The following ARID1B variants were observed in gnomAD, a reference collection of about 807,000 sequenced individuals.
ARID1B encodes the protein AT-rich interaction domain 1B.
In ARID1B, 30 loss-of-function variants were observed where a neutral mutation model predicts 212.3. The observed-to-expected ratio is 0.14, with a 90% confidence interval of 0.11 to 0.19. The LOEUF (loss-of-function observed/expected upper bound fraction) is 0.19. Among genes scored for constraint, ARID1B ranks in the 10% least tolerant of loss-of-function variants. ARID1B has a pLI of 1.00. For missense variants in ARID1B, 2,891 were observed against 3,204.0 expected (o/e 0.90, Z 2.36); for synonymous variants, 1,402 against 1,301.7 (o/e 1.08, Z -1.66).
At chr6:156,984,522 C>G (rs1777805624) in intron 4 of ARID1B, among the ~76,000 whole-genome samples, 1 of 152,082 alleles carries the variant, frequency 6.6e-6, no homozygotes, top group Non-Finnish European at 1.5e-5. Flanking sequence ...ATGACAGTGA[C>G]TTGGTGTTAC....
chr6:157,041,107 T>G (rs893945539), intron 4 of ARID1B, among the ~76,000 whole-genome samples: 4 of 152,200 alleles, frequency 2.6e-5, no homozygotes, highest in African/African-American at 9.6e-5. Flanking sequence ...CCACTATTCT[T>G]ATTTTCAGCT....
At chr6:156,864,168 C>A (rs549016846) in intron 2 of ARID1B, among the ~76,000 whole-genome samples, 1 of 152,266 alleles carries the variant, frequency 6.6e-6, no homozygotes, top group South Asian at 2.1e-4. Context: ...TCCCTCATAG[C>A]AAAGCCTTAT....
intron 1 of ARID1B, among the ~76,000 whole-genome samples, chr6:156,819,567 T>C (rs897234019): frequency 6.6e-6 from 1 of 152,234 alleles, no homozygotes; most frequent in Non-Finnish European, 1.5e-5. Flanking sequence ...TGCCAATTTA[T>C]AAAAATCAGG....
chr6:156,879,798 G>A (rs867323290), intron 2 of ARID1B, among the ~76,000 whole-genome samples: 21 of 152,222 alleles, frequency 1.4e-4, no homozygotes, highest in Middle Eastern at 6.8e-3. Context: ...TGCAGCGTGC[G>A]CATATGTGTG....
intron 8 of ARID1B, chr6:157,166,691 TAGTC>T (rs1307942618): frequency 2.9e-5 from 5 of 174,162 alleles, no homozygotes; most frequent in African/African-American, 9.5e-5. Context: ...GTAGTGTTAA[TAGTC>T]AGAAGTTAAT....
chr6:157,127,730 C>T (rs1267387941), intron 6 of ARID1B, among the ~76,000 whole-genome samples: 6 of 143,924 alleles, frequency 4.2e-5, no homozygotes, highest in South Asian at 2.3e-4. Context: ...GAGCCAAGAT[C>T]GCGCCACTGT....
At chr6:157,162,309 A>G (rs2128280957) in intron 8 of ARID1B, among the ~76,000 whole-genome samples, 2 of 152,366 alleles carry the variant, frequency 1.3e-5, no homozygotes, top group African/African-American at 2.4e-5. Flanking sequence ...CTGAAAGCAA[A>G]CTGTAGTGGG....
intron 7 of ARID1B, among the ~76,000 whole-genome samples, chr6:157,135,167 A>G (rs1368662681): frequency 6.6e-6 from 1 of 152,018 alleles, no homozygotes; most frequent in Non-Finnish European, 1.5e-5. Flanking sequence ...CACTAAGCCC[A>G]GGAGAGTTCT....
At chr6:157,082,323 G>A (rs1784690085) in intron 4 of ARID1B, among the ~76,000 whole-genome samples, 1 of 152,080 alleles carries the variant, frequency 6.6e-6, no homozygotes, top group South Asian at 2.1e-4. Flanking sequence ...TTCCGTTAAG[G>A]GCCAGAGAGT....
intron 4 of ARID1B, among the ~76,000 whole-genome samples, chr6:157,001,687 A>G (rs529556977): frequency 2.4e-4 from 36 of 152,340 alleles, no homozygotes; most frequent in Middle Eastern, 6.8e-3. Flanking sequence ...ACAAAATGAG[A>G]AAGTGGAAGT....
intron 1 of ARID1B, among the ~76,000 whole-genome samples, chr6:156,818,991 C>T (rs1782170633): frequency 6.6e-6 from 1 of 151,440 alleles, no homozygotes; most frequent in African/African-American, 2.4e-5. Flanking sequence ...GTATTATCTC[C>T]AGTTCTGTAA....
chr6:156,887,778 A>G (rs961958539), intron 2 of ARID1B, among the ~76,000 whole-genome samples: 6 of 152,218 alleles, frequency 3.9e-5, no homozygotes, highest in Non-Finnish European at 7.3e-5. Context: ...AAAAGAAGAA[A>G]CAATTTCAAA....
chr6:157,067,916 A>G (rs570053777), intron 4 of ARID1B, among the ~76,000 whole-genome samples: 5 of 152,174 alleles, frequency 3.3e-5, no homozygotes, highest in Non-Finnish European at 7.3e-5. Flanking sequence ...AGGAATTTAA[A>G]TTCAGCTTGT....
At chr6:156,882,296 C>A (rs1361151863) in intron 2 of ARID1B, among the ~76,000 whole-genome samples, 1 of 152,206 alleles carries the variant, frequency 6.6e-6, no homozygotes, top group Admixed American at 6.5e-5. Context: ...TGCCTCTCTG[C>A]TGTGCTTCTT....
intron 2 of ARID1B, among the ~76,000 whole-genome samples, chr6:156,847,406 G>T (rs368103038): frequency 1.3e-5 from 2 of 152,168 alleles, no homozygotes; most frequent in Non-Finnish European, 2.9e-5. Context: ...GCTGCTCAGG[G>T]GAAAGGGTCT....
chr6:156,795,461 C>T (rs2115259424), intron 1 of ARID1B, among the ~76,000 whole-genome samples: 1 of 152,154 alleles, frequency 6.6e-6, no homozygotes, highest in East Asian at 1.9e-4. Context: ...TACTATGGTG[C>T]TAAAAGTTGT....
intron 2 of ARID1B, among the ~76,000 whole-genome samples, chr6:156,864,642 AG>A (rs1785556678): frequency 6.6e-6 from 1 of 152,248 alleles, no homozygotes; most frequent in Admixed American, 6.5e-5. Context: ...CTGCTCTTTG[AG>A]GATACCTTCA....
chr6:156,865,129 A>G (rs62435826), intron 2 of ARID1B, among the ~76,000 whole-genome samples: 124 of 152,174 alleles, frequency 8.1e-4, no homozygotes, highest in Non-Finnish European at 1.5e-3. Flanking sequence ...CTGATGTTCA[A>G]CTATTACCCT....
intron 4 of ARID1B, among the ~76,000 whole-genome samples, chr6:157,031,571 G>T (rs922937597): frequency 1.3e-5 from 2 of 151,872 alleles, no homozygotes; most frequent in African/African-American, 4.8e-5. Context: ...TCCCATCCTT[G>T]CCTGGAATTG....
Sources: gnomAD v4.1 joint callset for allele counts (sites outside exome capture counted in the v4.1 genomes callset) on GRCh38, gnomAD v4.1.1 for gene constraint, MANE v1.5 for transcripts, NCBI Gene and HGNC (gene_info 2026-07-23, HGNC 2026-07-21) for gene names.